RRBP1: variants seen among roughly 807,000 people sequenced by gnomAD.
The protein encoded by RRBP1 is ribosome-binding protein 1.
RRBP1 carries 94 observed loss-of-function variants against 165.2 expected under a neutral mutation model. That is an observed-to-expected ratio of 0.57 (90% CI 0.48 to 0.68). RRBP1 has a LOEUF of 0.68. RRBP1 is among the 30% of genes least tolerant of loss of function. The probability of loss-of-function intolerance (pLI) is 0.00; values close to 1 mark genes in which losing one functional copy is unlikely to be tolerated. For missense variants in RRBP1, 1,676 were observed against 1,763.0 expected, an observed-to-expected ratio of 0.95 and a Z score of 0.88; for synonymous variants, 680 against 714.5, an observed-to-expected ratio of 0.95 and a Z score of 0.77.
chr20:17,655,140 G>A (rs2036624530), intron 3 of RRBP1, among the ~76,000 whole-genome samples: 1 of 152,204 alleles, frequency 6.6e-6, no homozygotes, highest in Non-Finnish European at 1.5e-5. Context: ...AGGGGGCGCT[G>A]TCACAAACAC....
At chr20:17,618,545 A>G (rs779077174) in intron 20 of RRBP1, 51 bp downstream of exon 20, 1 of 1,370,774 alleles carries the variant, frequency 7.3e-7, no homozygotes, top group Non-Finnish European at 1.0e-6. Flanking sequence ...CATCTCACAC[A>G]CGCAACGCCC....
intron 5 of RRBP1, 103 bp downstream of exon 5, chr20:17,641,694 G>A (rs1402700836): frequency 7.1e-7 from 1 of 1,414,114 alleles, no homozygotes; most frequent in Non-Finnish European, 9.9e-7. Context: ...CTACGTTCCA[G>A]GCAGGCCCCA....
At position 17,633,619 on chromosome 20, in the gene RRBP1, A is replaced by G; in HGVS notation, c.2457-6T>C. The G allele has an allele frequency of 6.2e-7, 1 of 1,613,554 alleles. No individual in the cohort carries two copies. Among genetic ancestry groups the G allele is most frequent in the Non-Finnish European group, 8.5e-7 (1 of 1,179,832 alleles). On this transcript the variant is annotated splice_region_variant and splice_polypyrimidine_tract_variant and intron_variant, in intron 7 of 24. Coordinates refer to ENST00000377813, the MANE Select transcript of RRBP1 (RefSeq NM_001365613.2). Reference sequence around the variant, plus strand: ...TGGCCAGCTCTGCGTTCTGCCTGCAAGACAGTCACCAGCCCGACTAATGGA... The same window carrying G: ...TGGCCAGCTCTGCGTTCTGCCTGCAGGACAGTCACCAGCCCGACTAATGGA...
At chr20:17,666,829 G>A (rs1416748815) in intron 2 of RRBP1, among the ~76,000 whole-genome samples, 3 of 152,060 alleles carry the variant, frequency 2.0e-5, no homozygotes, top group African/African-American at 7.2e-5. Flanking sequence ...TATATTCCTA[G>A]TTATCTTTTT....
intron 3 of RRBP1, among the ~76,000 whole-genome samples, chr20:17,648,411 C>G (rs1301656759): frequency 6.6e-6 from 1 of 152,252 alleles, no homozygotes; most frequent in African/African-American, 2.4e-5. Flanking sequence ...CAGTGGACTC[C>G]AGGCCCAGCT....
chr20:17,633,150 G>A (rs765608184), intron 8 of RRBP1, among the ~76,000 whole-genome samples: 6 of 152,186 alleles, frequency 3.9e-5, no homozygotes, highest in Non-Finnish European at 8.8e-5. Flanking sequence ...CTCCCTTATG[G>A]GTAAAAATGC....
At chr20:17,635,323 G>A (rs938090161) in intron 7 of RRBP1, among the ~76,000 whole-genome samples, 1 of 152,212 alleles carries the variant, frequency 6.6e-6, no homozygotes, top group Non-Finnish European at 1.5e-5. Flanking sequence ...TGTGCTCCAG[G>A]GCACAGTCGA....
intron 5 of RRBP1, among the ~76,000 whole-genome samples, chr20:17,638,941 G>A (rs538901395): frequency 4.6e-5 from 7 of 152,088 alleles, no homozygotes; most frequent in Admixed American, 2.6e-4. Context: ...AACTCCTCCC[G>A]TGACCCCATC....
chr20:17,649,759 C>T (rs957121457), intron 3 of RRBP1, among the ~76,000 whole-genome samples: 5 of 152,110 alleles, frequency 3.3e-5, no homozygotes, highest in Non-Finnish European at 2.9e-5. Flanking sequence ...CAGAACACGA[C>T]TTGGGATTTT....
At chr20:17,627,200 A>G in intron 11 of RRBP1, 148 bp downstream of exon 11, 3 of 746,256 alleles carry the variant, frequency 4.0e-6, no homozygotes, top group Non-Finnish European at 6.5e-6. Context: ...CCTCTAAATC[A>G]CCGGAGGATG....
chr20:17,678,210 T>C (rs2037117566), intron 2 of RRBP1, among the ~76,000 whole-genome samples: 1 of 152,198 alleles, frequency 6.6e-6, no homozygotes. Context: ...CTGAACTAAT[T>C]TTCTATATGC....
At chr20:17,681,468 C>T (rs1353355252) in intron 1 of RRBP1, among the ~76,000 whole-genome samples, 7 of 148,120 alleles carry the variant, frequency 4.7e-5, no homozygotes, top group Non-Finnish European at 9.0e-5. Flanking sequence ...GGCCGCGGCC[C>T]GGGACCGGCG....
Position 17,626,864 on chromosome 20 carries a change from T to G in RRBP1, c.2963+484A>C, listed in dbSNP as rs530848080. Among the ~76,000 whole-genome samples the G allele has an allele frequency of 5.3e-5, 8 of 152,308 alleles. No individual in the cohort carries two copies. The South Asian group carries it at 1.7e-3, about 32-fold the overall frequency. On this transcript the variant is annotated intron_variant, in intron 11 of 24. Transcript: ENST00000377813. ...AGGTCTGGCCAGCAGTGAAGTCACC[T>G]CACAGATGGAGGAAAACAACGCTGA...
intron 3 of RRBP1, among the ~76,000 whole-genome samples, chr20:17,651,545 G>C (rs962191611): frequency 2.6e-5 from 4 of 152,180 alleles, no homozygotes; most frequent in African/African-American, 9.7e-5. Context: ...TTTCGCAGGT[G>C]CAATACGGAA....
chr20:17,627,718 C>G (rs1391102315), intron 9 of RRBP1, 36 bp from the exon 10 acceptor site: 3 of 1,548,934 alleles, frequency 1.9e-6, no homozygotes, highest in Non-Finnish European at 2.6e-6. Flanking sequence ...AGTTAAGAGA[C>G]TGCAAACCCC....
intron 2 of RRBP1, among the ~76,000 whole-genome samples, chr20:17,676,233 C>T (rs1354594579): frequency 1.3e-5 from 2 of 152,232 alleles, no homozygotes; most frequent in South Asian, 2.1e-4. Flanking sequence ...AAGGTAAGAG[C>T]TGTTTGGACC....
intron 3 of RRBP1, among the ~76,000 whole-genome samples, chr20:17,652,933 G>A (rs78299553): frequency 0.017 from 2,629 of 152,326 alleles, 77 homozygotes; most frequent in African/African-American, 0.06. Context: ...AGCCACTGGT[G>A]AAAACCCATG....
chr20:17,665,649 T>G (rs2036855471), intron 2 of RRBP1, among the ~76,000 whole-genome samples: 1 of 152,336 alleles, frequency 6.6e-6, no homozygotes, highest in Middle Eastern at 3.4e-3. Context: ...GCCATACTCC[T>G]ATGCTTTTAG....
rs758034858 is a variant in RRBP1 at position 17,624,603 on chromosome 20, C to G, written c.3120G>C (p.Glu1040Asp). 14 of 1,593,784 alleles carry G rather than the reference C, an allele frequency of 8.8e-6. No individual in the cohort carries two copies. The South Asian group carries it at 1.6e-4, about 18-fold the overall frequency. ...ALATAEQACK[E>D]KLLSLTQAKE... ...TGGCCTGGGTCAGGGAGAGCAGCTT[C>G]TCCTTGCAGGCCTGCTCGGCCGTGG... is the stretch of plus-strand genomic sequence containing the variant. The change falls in exon 13 of 25, where the codon GAG (glutamate) becomes GAC (aspartate). Residue 1040 changes from glutamate (E) to aspartate (D), a missense_variant. By Grantham distance (45) the Glu-to-Asp change is conservative (BLOSUM62 2). Coordinates refer to ENST00000377813, the MANE Select transcript of RRBP1 (RefSeq NM_001365613.2).
Sources: allele counts gnomAD v4.1 joint callset (sites outside exome capture counted in the v4.1 genomes callset), GRCh38; gene constraint gnomAD v4.1.1; transcripts MANE v1.5; gene names NCBI Gene and HGNC (gene_info 2026-07-23, HGNC 2026-07-21).